The following LTBP4 variants were observed in gnomAD, a reference collection of about 807,000 sequenced individuals.
The protein encoded by LTBP4 is latent-transforming growth factor beta-binding protein 4.
In LTBP4, 93 loss-of-function variants were observed where a neutral mutation model predicts 180.2. That is an observed-to-expected ratio of 0.52 (90% CI 0.44 to 0.61). The LOEUF (loss-of-function observed/expected upper bound fraction) is 0.61. Among genes scored for constraint, LTBP4 ranks in the 20% least tolerant of loss-of-function variants. LTBP4 has a pLI of 0.00. For synonymous variants in LTBP4, 947 were observed against 934.5 expected (o/e 1.01, Z -0.24); for missense variants, 2,116 against 2,256.5 (o/e 0.94, Z 1.26).
upstream of LTBP4, chr19:40,599,457 G>A (rs374726821): frequency 9.9e-6 from 16 of 1,613,824 alleles, no homozygotes; most frequent in African/African-American, 1.7e-4. Flanking sequence ...CCCAAAAAGT[G>A]TGCAGGCCCC....
chr19:40,617,084 T>C lies in LTBP4; in HGVS notation c.2945-16T>C, dbSNP rs1440291779. The C allele has an allele frequency of 8.7e-6, 14 of 1,613,814 alleles. No homozygotes were observed. Among genetic ancestry groups the C allele is most frequent in the Non-Finnish European group, 1.2e-5 (14 of 1,179,814 alleles). On this transcript the variant is annotated splice_polypyrimidine_tract_variant and intron_variant, in intron 20 of 29. Coordinates refer to ENST00000396819, the MANE Select transcript of LTBP4 (RefSeq NM_001042545.2). ...GTAGAAGGTCCAGAAATGGCCTGAC[T>C]GTCTGGTGGTTGCAGATGTGGACGA...
In LTBP4 at chr19:40,625,309, TA is replaced by T. The variant is rs2081624600; in HGVS notation, c.3833-547del. 1.2e-3 allele frequency among the ~76,000 whole-genome samples: 35 copies of T among 29,006 alleles called. 1 individual carries two copies. The highest frequency in any genetic ancestry group is 1.7e-3 in the Non-Finnish European group (30 of 17,868). The allele number at this position is 29,006 out of a possible 152,430, so 19.0% of individuals were successfully genotyped here. ...ATATATATATATATATATATATATA[TA>T]TATATATTTTTTTTTTTAAAGATGG... On this transcript the variant is annotated intron_variant, in intron 26 of 29. Transcript: ENST00000396819.
upstream of LTBP4, chr19:40,599,407 G>A: frequency 6.2e-7 from 1 of 1,612,718 alleles, no homozygotes; most frequent in South Asian, 1.1e-5. Flanking sequence ...CTTAGTCCCT[G>A]GCTGTCTCCG....
chr19:40,613,535 T>C lies in LTBP4; in HGVS notation c.2557+6T>C, dbSNP rs1346506593. 1 of 1,563,254 alleles carries C rather than the reference T, an allele frequency of 6.4e-7. No homozygotes were observed. The highest frequency in any genetic ancestry group is 2.4e-5 in the East Asian group (1 of 42,040). On this transcript the variant is annotated splice_donor_region_variant and intron_variant, in intron 17 of 29. Transcript: ENST00000396819. This position sits in a 1 kb window ranked among gnomAD's most constrained non-coding sequence, Gnocchi z 5.0. The stretch of plus-strand genomic sequence containing the variant: ...CCGCGGAGCCTCTTGCCTCGGTTCG[T>C]ACCCGGGCTGATCCTGGCCCCGGAA...
chr19:40,613,634 G>T lies in LTBP4; in HGVS notation c.2557+105G>T, dbSNP rs2081524826. The T allele has an allele frequency of 2.0e-6, 3 of 1,520,072 alleles. No individual in the cohort carries two copies. The East Asian group carries it at 7.4e-5, about 37-fold the overall frequency. The allele number at this position is 1,520,072 out of a possible 1,614,324, so 94.2% of individuals were successfully genotyped here. On this transcript the variant is annotated intron_variant, in intron 17 of 29. Transcript: ENST00000396819. This position sits in a 1 kb window ranked among gnomAD's most constrained non-coding sequence, Gnocchi z 5.0. Reference sequence around the variant, plus strand: ...AAGGGGAAAACGAGTTTTTAGCCGGGGTATTCCAGCAGGATCAGGGGGCAG... The same window carrying T: ...AAGGGGAAAACGAGTTTTTAGCCGGTGTATTCCAGCAGGATCAGGGGGCAG...
At chr19:40,619,250 A>G in intron 21 of LTBP4, 97 bp from the exon 22 acceptor site, 1 of 1,259,650 alleles carries the variant, frequency 7.9e-7, no homozygotes, top group South Asian at 1.4e-5. Context: ...GCCATTAAAT[A>G]TACACATTAT....
In LTBP4 at chr19:40,613,589, G is replaced by T; in HGVS notation, c.2557+60G>T. The stretch of plus-strand genomic sequence containing the variant: ...GTGGGCTTAGGGCAGGAAAAGGCGG[G>T]ACGGGGAGAAGAGGGCGAAAAGGGG... On this transcript the variant is annotated intron_variant, in intron 17 of 29. Coordinates refer to ENST00000396819, the MANE Select transcript of LTBP4 (RefSeq NM_001042545.2). This position sits in a 1 kb window ranked among gnomAD's most constrained non-coding sequence, Gnocchi z 5.0. 1 of 1,544,000 alleles carries T rather than the reference G, an allele frequency of 6.5e-7. No homozygotes were observed. Among genetic ancestry groups the T allele is most frequent in the South Asian group, 1.2e-5 (1 of 84,314 alleles).
Position 40,622,259 on chromosome 19 carries a change from T to G in LTBP4, c.3218-142T>G. 1.9e-5 allele frequency: 16 copies of G among 832,310 alleles called. No homozygotes were observed. Among genetic ancestry groups the G allele is most frequent in the Non-Finnish European group, 2.5e-5 (14 of 553,554 alleles). 51.6% of individuals were successfully genotyped at this position (832,310 alleles called of 1,614,324 possible). A position where few individuals can be genotyped will look rare whatever the true frequency, so the allele number is the denominator to read the frequency against. ...AAAGAGAAACAGTGACAGAGGAGCG[T>G]GAGAGGTGTGGAGTCTGGTTCTGCC... On this transcript the variant is annotated intron_variant, in intron 22 of 29. Transcript: ENST00000396819. The surrounding 1 kb of genome is among the most constrained non-coding windows in gnomAD (Gnocchi z 5.1).
At chr19:40,603,940 A>G (rs1167674527) in intron 1 of LTBP4, among the ~76,000 whole-genome samples, 1 of 152,246 alleles carries the variant, frequency 6.6e-6, no homozygotes, top group Non-Finnish European at 1.5e-5. Flanking sequence ...CCCCGCCCAG[A>G]GGTGGCCTGG....
Position 40,613,838 on chromosome 19 carries a change from G to A in LTBP4, c.2558-78G>A. 1 of 1,596,396 alleles carries A rather than the reference G, an allele frequency of 6.3e-7. No individual in the cohort carries two copies. Reference sequence around the variant, plus strand: ...GGCGTGAGAGGCCTAGGAGAGCCGAGGGGCGGTGGAGGGGTGTGGCCTAGA... The same window carrying A: ...GGCGTGAGAGGCCTAGGAGAGCCGAAGGGCGGTGGAGGGGTGTGGCCTAGA... On this transcript the variant is annotated intron_variant, in intron 17 of 29. Coordinates refer to ENST00000396819, the MANE Select transcript of LTBP4 (RefSeq NM_001042545.2). This position sits in a 1 kb window ranked among gnomAD's most constrained non-coding sequence, Gnocchi z 5.0.
At chr19:40,627,940 G>A (rs1013991556) in intron 29 of LTBP4, 83 bp downstream of exon 29, 3 of 1,475,074 alleles carry the variant, frequency 2.0e-6, no homozygotes, top group Non-Finnish European at 9.0e-7. Flanking sequence ...AGGGGGTGCT[G>A]GTCAGGGACG....
chr19:40,615,193 CGGGGGGG>C (rs766440164), intron 19 of LTBP4: 1 of 23,596 alleles, frequency 4.2e-5, no homozygotes, highest in African/African-American at 1.7e-4. Flanking sequence ...TTTGTGTCGG[CGGGGGGG>C]GGGGGGCGGT....
At chr19:40,597,149 CG>C, upstream of LTBP4, 1 of 820,524 alleles carries the variant, frequency 1.2e-6, no homozygotes, top group South Asian at 4.4e-5. Context: ...CGGGCGGGGG[CG>C]GGGGCGGGGG....
intron 24 of LTBP4, 54 bp downstream of exon 24, chr19:40,623,075 C>G: frequency 7.1e-7 from 1 of 1,417,126 alleles, no homozygotes; most frequent in Non-Finnish European, 9.6e-7. Flanking sequence ...CCAGCTTCGT[C>G]TCTTCCTGTT....
At position 40,629,532 on chromosome 19, in the gene LTBP4, C is replaced by T. The variant is rs774903927; in HGVS notation, c.4656C>T (p.Pro1552=). 1.3e-6 allele frequency: 2 copies of T among 1,554,778 alleles called. No individual in the cohort carries two copies. Among genetic ancestry groups the T allele is most frequent in the Admixed American group, 1.8e-5 (1 of 56,310 alleles). ...CGCACCAGCCGCACCACTGTGCGCCCGCACGGCCCCGGGCCTGAGCCCTGG... is the reference window on the plus strand; with the variant it reads ...CGCACCAGCCGCACCACTGTGCGCCTGCACGGCCCCGGGCCTGAGCCCTGG... The part of the protein sequence containing the change: ...APTHQPHHCA[P]ARPRA The change falls in exon 30 of 30, where the codon CCC becomes CCT. Residue 1552 remains proline (P), a synonymous_variant. Transcript: ENST00000396819. The surrounding 1 kb of genome is among the most constrained non-coding windows in gnomAD (Gnocchi z 4.5).
rs1268343708 is a variant in LTBP4 at position 40,620,161 on chromosome 19, C to T, written c.3217+668C>T. Among the ~76,000 whole-genome samples, 4 of 151,188 alleles carry T rather than the reference C, an allele frequency of 2.6e-5. 1 individual carries two copies. The highest frequency in any genetic ancestry group is 4.2e-4 in the South Asian group (2 of 4,780). On this transcript the variant is annotated intron_variant, in intron 22 of 29. Coordinates refer to ENST00000396819, the MANE Select transcript of LTBP4 (RefSeq NM_001042545.2). ...GGGGCCAGGGAAAGAGTCAGGTGCC[C>T]GATCACACTGACTTATCACAGTAAG...
chr19:40,606,207 G>A (rs1000483036), intron 4 of LTBP4, 26 bp from the exon 5 acceptor site: 13 of 1,564,656 alleles, frequency 8.3e-6, no homozygotes, highest in South Asian at 1.2e-5. Flanking sequence ...ACCTGTCCCT[G>A]GCCCACCCCT....
In LTBP4 at chr19:40,609,532, C is replaced by T; in HGVS notation, c.1429C>T (p.Pro477Ser). ...CCCTGGCTGACTGGACCCCCCAGGT[C>T]CCTCCTCCGGCATGTGTCAGCGCAA... ...WTGPEIPESG[P>S]SSGMCQRNPQ... Residue 477 changes from proline to serine, a missense_variant and splice_region_variant, in exon 10 of 30, where the codon CCC (proline) becomes TCC (serine). Physicochemically the swap from Pro to Ser is moderately conservative, Grantham distance 74 (BLOSUM62 -1). Transcript: ENST00000396819. The surrounding 1 kb of genome is among the most constrained non-coding windows in gnomAD (Gnocchi z 4.9). 6.8e-6 allele frequency: 11 copies of T among 1,612,782 alleles called. No homozygotes were observed. The highest frequency in any genetic ancestry group is 1.7e-4 in the Middle Eastern group (1 of 6,060).
chr19:40,615,196 G>GGGA (rs1555737752), intron 19 of LTBP4: 1 of 146,524 alleles, frequency 6.8e-6, no homozygotes, highest in South Asian at 2.3e-4. Context: ...GTGTCGGCGG[G>GGGA]GGGGGGGGGG....
Sources: gnomAD v4.1 joint callset for allele counts (sites outside exome capture counted in the v4.1 genomes callset) on GRCh38, gnomAD v4.1.1 for gene constraint, Gnocchi (gnomAD v3.1) non-coding constraint, MANE v1.5 for transcripts, NCBI Gene and HGNC (gene_info 2026-07-23, HGNC 2026-07-21) for gene names.